Variants in FAM83D observed in about 807,000 individuals in gnomAD.
FAM83D encodes scaffolding CK1 anchoring protein D, also known as protein FAM83D.
A neutral mutation model predicts 25.4 loss-of-function variants in FAM83D; 26 were observed. That is an observed-to-expected ratio of 1.02 (90% CI 0.75 to 1.42). The LOEUF (loss-of-function observed/expected upper bound fraction) is 1.42, where lower values mean the gene tolerates loss of function less well. Ranked by LOEUF, FAM83D falls within the 40% of genes most tolerant of loss-of-function variation. The probability of loss-of-function intolerance (pLI) is 0.00; values close to 1 mark genes in which losing one functional copy is unlikely to be tolerated. For synonymous variants in FAM83D, 310 were observed against 318.5 expected (o/e 0.97, Z 0.28); for missense variants, 740 against 758.1 (o/e 0.98, Z 0.28).
chr20:38,948,851 C>T (rs898625327), intron 3 of FAM83D, among the ~76,000 whole-genome samples: 3 of 152,208 alleles, frequency 2.0e-5, no homozygotes, highest in African/African-American at 7.2e-5. Flanking sequence ...CTTTCTTTTT[C>T]AACAGTACCC....
Position 38,947,991 on chromosome 20 carries a change from G to C in FAM83D, c.767G>C (p.Gly256Ala). Residue 256 changes from glycine (G) to alanine (A), a missense_variant, in exon 3 of 4, where the codon GGC becomes GCC. Coordinates refer to ENST00000619850, the MANE Select transcript of FAM83D (RefSeq NM_030919.3). ...ATTGATGGCATCCGCGTGGCAACAG[G>C]CTCCTACAGGTAAGTCTCTAACCCG... ...TLIDGIRVATGSYSFTWTDGK... is the reference protein window; with the variant it reads ...TLIDGIRVATASYSFTWTDGK... 1 of 1,614,072 alleles carries C rather than the reference G, an allele frequency of 6.2e-7. No homozygotes were observed. Among genetic ancestry groups the C allele is most frequent in the Middle Eastern group, 1.6e-4 (1 of 6,062 alleles).
chr20:38,926,570 GC>G lies in FAM83D; in HGVS notation c.132del (p.Glu45LysfsTer16). The G allele has an allele frequency of 6.4e-7, 1 of 1,563,314 alleles. No individual in the cohort carries two copies. The highest frequency in any genetic ancestry group is 8.6e-7 in the Non-Finnish European group (1 of 1,161,616). The part of the protein sequence containing the change: ...RLALEELVAG[G>X]PEAFAAFLRR... ...GCTCTGGAGGAGCTGGTGGCGGGCG[GC>G]CCCGAAGCCTTCGCGGCCTTCCTGC... On this transcript the variant is annotated frameshift_variant, in exon 1 of 4. Coordinates refer to ENST00000619850, the MANE Select transcript of FAM83D (RefSeq NM_030919.3). LOFTEE classifies it high-confidence loss of function.
chr20:38,927,718 C>T (rs2145798070), intron 1 of FAM83D, among the ~76,000 whole-genome samples: 1 of 152,014 alleles, frequency 6.6e-6, no homozygotes. Context: ...AAGCTGGTCT[C>T]GAACTCCTGA....
chr20:38,948,245 C>T (rs1373114449), intron 3 of FAM83D, among the ~76,000 whole-genome samples: 2 of 152,218 alleles, frequency 1.3e-5, no homozygotes. Context: ...TGAGACAACA[C>T]AGTCAGCAAG....
At chr20:38,939,745 C>G (rs2085693655) in intron 1 of FAM83D, among the ~76,000 whole-genome samples, 1 of 152,198 alleles carries the variant, frequency 6.6e-6, no homozygotes, top group Non-Finnish European at 1.5e-5. Flanking sequence ...TCAAATTCCT[C>G]ATAGCCATCT....
In FAM83D at chr20:38,947,857, T is replaced by C. The variant is rs779336226; in HGVS notation, c.652-19T>C. 6.2e-7 allele frequency: 1 copy of C among 1,613,120 alleles called. No individual in the cohort carries two copies. The highest frequency in any genetic ancestry group is 8.5e-7 in the Non-Finnish European group (1 of 1,179,432). On this transcript the variant is annotated intron_variant, in intron 2 of 3. Coordinates refer to ENST00000619850, the MANE Select transcript of FAM83D (RefSeq NM_030919.3). ...TTGCTGAATTGTTCATTTATATTTC[T>C]CCCACTCCCTGCCAACAGTTAATGA...
chr20:38,938,644 C>T (rs1300849513), intron 1 of FAM83D, among the ~76,000 whole-genome samples: 1 of 152,232 alleles, frequency 6.6e-6, no homozygotes. Context: ...ACCCCTCACT[C>T]TTGCTTCTTG....
Position 38,926,915 on chromosome 20 carries a change from C to A in FAM83D, c.473C>A (p.Ser158Ter), listed in dbSNP as rs1568693955. 1.4e-6 allele frequency: 2 copies of A among 1,459,566 alleles called. No homozygotes were observed. The highest frequency in any genetic ancestry group is 2.8e-5 in the South Asian group (2 of 72,542). The allele number at this position is 1,459,566 out of a possible 1,614,324, so 90.4% of individuals were successfully genotyped here. ...GACGCTCTGCGCCAGCAGCTCCGCT[C>A]GGCGCGAGAGGTGAGCGGCCCTCCA... is the stretch of plus-strand genomic sequence containing the variant. Reference protein sequence around the residue: ...CKDALRQQLRSAREVIAVVMD... With the variant: ...CKDALRQQLR Residue 158 changes from serine to a stop codon, truncating the protein, a stop_gained, in exon 1 of 4, where the codon TCG (serine) becomes TAG (stop). Coordinates refer to ENST00000619850, the MANE Select transcript of FAM83D (RefSeq NM_030919.3). LOFTEE classifies it high-confidence loss of function.
At chr20:38,935,081 G>T (rs2085673288) in intron 1 of FAM83D, among the ~76,000 whole-genome samples, 1 of 152,002 alleles carries the variant, frequency 6.6e-6, no homozygotes. Context: ...TTGAAAAAAT[G>T]GAAGAATATA....
intron 1 of FAM83D, among the ~76,000 whole-genome samples, chr20:38,928,185 TGGC>T (rs1163735196): frequency 5.9e-5 from 9 of 152,234 alleles, no homozygotes; most frequent in Non-Finnish European, 1.2e-4. Flanking sequence ...GCCAGGGACA[TGGC>T]AGATAAAGCC....
At chr20:38,951,397 C>A in intron 3 of FAM83D, 142 bp from the exon 4 acceptor site, 1 of 825,886 alleles carries the variant, frequency 1.2e-6, no homozygotes, top group Non-Finnish European at 1.8e-6. Flanking sequence ...TAGTTAAATA[C>A]ATGCAAATGG....
chr20:38,927,267 C>T (rs2085640099), intron 1 of FAM83D, among the ~76,000 whole-genome samples: 1 of 152,202 alleles, frequency 6.6e-6, no homozygotes, highest in Non-Finnish European at 1.5e-5. Context: ...GGAAAATTGC[C>T]TATTTCCCTG....
At chr20:38,946,197 C>CAAAAAAAAAAAAAAA (rs56740383) in intron 2 of FAM83D, among the ~76,000 whole-genome samples, 1 of 78,556 alleles carries the variant, frequency 1.3e-5, no homozygotes, top group Non-Finnish European at 2.5e-5. Context: ...GACTCCACCT[C>CAAAAAAAAAAAAAAA]AAAAAAAAAA....
intron 2 of FAM83D, among the ~76,000 whole-genome samples, chr20:38,942,918 C>T (rs2085709021): frequency 2.0e-5 from 3 of 152,174 alleles, no homozygotes; most frequent in Admixed American, 2.0e-4. Context: ...GCCTGAAGGC[C>T]ACCCTGGAAG....
In FAM83D at chr20:38,947,953, A is replaced by G; in HGVS notation, c.729A>G (p.Glu243=). ...CTAAGATTATTGGGAAGGTTCACGA[A>G]AAGTTCACGTTGATTGATGGCATCC... ...SGTKIIGKVH[E]KFTLIDGIRV... is the part of the protein sequence containing the mutation. Residue 243 remains glutamate (E), a synonymous_variant, in exon 3 of 4, where the codon GAA becomes GAG. Coordinates refer to ENST00000619850, the MANE Select transcript of FAM83D (RefSeq NM_030919.3). 1 of 1,614,236 alleles carries G rather than the reference A, an allele frequency of 6.2e-7. No homozygotes were observed. The highest frequency in any genetic ancestry group is 8.5e-7 in the Non-Finnish European group (1 of 1,180,040).
At position 38,942,143 on chromosome 20, in the gene FAM83D, A is replaced by G; in HGVS notation, c.651+17A>G. ...CAGGAAAAGGTTTGTGGTACACTATATCCAGTTTCACCATAGTCAACAAAT... is the reference window on the plus strand; with the variant it reads ...CAGGAAAAGGTTTGTGGTACACTATGTCCAGTTTCACCATAGTCAACAAAT... On this transcript the variant is annotated intron_variant, in intron 2 of 3. Coordinates refer to ENST00000619850, the MANE Select transcript of FAM83D (RefSeq NM_030919.3). 1 of 1,613,612 alleles carries G rather than the reference A, an allele frequency of 6.2e-7. No individual in the cohort carries two copies. The highest frequency in any genetic ancestry group is 8.5e-7 in the Non-Finnish European group (1 of 1,179,544).
At chr20:38,945,736 A>ACC (rs1337392005) in intron 2 of FAM83D, among the ~76,000 whole-genome samples, 82 of 70,908 alleles carry the variant, frequency 1.2e-3, no homozygotes, top group African/African-American at 3.5e-3. Flanking sequence ...ACCTGCCCCC[A>ACC]CCCCCCCCCC....
At chr20:38,932,618 G>A (rs536991474) in intron 1 of FAM83D, among the ~76,000 whole-genome samples, 5 of 152,144 alleles carry the variant, frequency 3.3e-5, no homozygotes, top group Non-Finnish European at 5.9e-5. Flanking sequence ...TGTTGATGAC[G>A]CATTCAGCTT....
chr20:38,940,157 T>G (rs1183353506), intron 1 of FAM83D, among the ~76,000 whole-genome samples: 2 of 152,176 alleles, frequency 1.3e-5, no homozygotes, highest in Non-Finnish European at 2.9e-5. Flanking sequence ...TAAATCACTG[T>G]GTTCAGTGGG....
Sources: allele counts gnomAD v4.1 joint callset (sites outside exome capture counted in the v4.1 genomes callset), GRCh38; gene constraint gnomAD v4.1.1; transcripts MANE v1.5; gene names NCBI Gene and HGNC (gene_info 2026-07-23, HGNC 2026-07-21).